Variants in DMD observed in about 807,000 individuals in gnomAD.
DMD encodes the protein dystrophin, also known as mutant dystrophin.
In DMD, 63 loss-of-function variants were observed where a neutral mutation model predicts 330.1. The ratio of observed to expected loss-of-function variants is 0.19; its 90% CI spans 0.16 to 0.24. DMD has a LOEUF of 0.24. Among genes scored for constraint, DMD ranks in the 10% least tolerant of loss-of-function variants. DMD has a pLI of 1.00. For missense variants in DMD, 3,344 were observed against 2,684.1 expected (o/e 1.25, Z -5.43); for synonymous variants, 1,223 against 959.8 (o/e 1.27, Z -5.07).
At chrX:33,096,854 C>T (rs1172642712) in intron 1 of DMD, among the ~76,000 whole-genome samples, 1 of 112,756 alleles carries the variant, frequency 8.9e-6, no homozygotes, top group African/African-American at 3.2e-5. Flanking sequence ...CAACAAACCA[C>T]GTAACCACAC....
At chrX:32,591,400 T>A (rs906995425) in intron 13 of DMD, among the ~76,000 whole-genome samples, 1 of 112,077 alleles carries the variant, frequency 8.9e-6, no homozygotes, top group East Asian at 2.8e-4. Flanking sequence ...CATTAGAGCA[T>A]CTTCTATAAG....
intron 1 of DMD, among the ~76,000 whole-genome samples, chrX:33,156,581 G>A (rs966222355): frequency 8.9e-6 from 1 of 111,772 alleles, no homozygotes; most frequent in African/African-American, 3.3e-5. Flanking sequence ...AGATAAGCAA[G>A]AGAGCCAGAT....
At chrX:32,829,099 A>T (rs1329691926) in intron 4 of DMD, among the ~76,000 whole-genome samples, 2 of 111,750 alleles carry the variant, frequency 1.8e-5, no homozygotes, top group Non-Finnish European at 3.8e-5. Flanking sequence ...CAAAAGTAAA[A>T]CTGTCTTACA....
intron 63 of DMD, among the ~76,000 whole-genome samples, chrX:31,251,462 C>G (rs1331131472): frequency 4.5e-5 from 5 of 111,895 alleles, no homozygotes; most frequent in Non-Finnish European, 9.4e-5. Context: ...AATGACTTTC[C>G]TGGAGTTATG....
intron 30 of DMD, among the ~76,000 whole-genome samples, chrX:32,405,581 G>A (rs1445466364): frequency 1.8e-5 from 2 of 111,020 alleles, no homozygotes; most frequent in Admixed American, 1.9e-4. Context: ...CTGACACTGG[G>A]TAGATTGATG....
intron 63 of DMD, among the ~76,000 whole-genome samples, chrX:31,241,927 T>G (rs1430263360): frequency 9.0e-6 from 1 of 111,271 alleles, no homozygotes; most frequent in African/African-American, 3.3e-5. Flanking sequence ...AGGCACTTAG[T>G]TCACCCCAGG....
At chrX:33,003,578 A>C (rs1477813310) in intron 2 of DMD, among the ~76,000 whole-genome samples, 1 of 110,150 alleles carries the variant, frequency 9.1e-6, no homozygotes, top group Admixed American at 9.7e-5. Context: ...CAGTGTATTT[A>C]ATGATCTTTC....
At chrX:31,252,957 C>T (rs2049549717) in intron 63 of DMD, among the ~76,000 whole-genome samples, 1 of 109,790 alleles carries the variant, frequency 9.1e-6, no homozygotes, top group South Asian at 4.0e-4. Context: ...TGCAACTGCA[C>T]TCCAGCCTGG....
intron 7 of DMD, among the ~76,000 whole-genome samples, chrX:32,729,499 C>A (rs2067275567): frequency 8.9e-6 from 1 of 111,758 alleles, no homozygotes; most frequent in Admixed American, 9.5e-5. Context: ...TTCATGGTAG[C>A]TTGGCAAGCT....
chrX:32,694,365 AATATGTTTAAAACTGAAATCCTAACGTT>A (rs1203080140), intron 9 of DMD, among the ~76,000 whole-genome samples: 1 of 111,717 alleles, frequency 9.0e-6, no homozygotes, highest in Non-Finnish European at 1.9e-5. Flanking sequence ...CCTCAAGATT[AATATGTTTAAAACTGAAATCCTAACGTT>A]CACTCCCAAA....
chrX:32,277,087 G>T (rs963696009), intron 43 of DMD, among the ~76,000 whole-genome samples: 2 of 111,686 alleles, frequency 1.8e-5, no homozygotes, highest in Admixed American at 1.9e-4. Context: ...ATAAAGGGAT[G>T]GAAAAAGATA....
intron 43 of DMD, among the ~76,000 whole-genome samples, chrX:32,221,619 A>G (rs2097132356): frequency 8.9e-6 from 1 of 111,784 alleles, no homozygotes; most frequent in Non-Finnish European, 1.9e-5. Flanking sequence ...AATGAATTGT[A>G]TAGAAGTAAA....
chrX:32,757,589 C>T (rs944679263), intron 7 of DMD, among the ~76,000 whole-genome samples: 6 of 110,563 alleles, frequency 5.4e-5, no homozygotes, highest in Non-Finnish European at 1.1e-4. Context: ...ATACGTCTCA[C>T]GAGATCTGAT....
At chrX:31,345,579 A>G (rs1341834597) in intron 61 of DMD, among the ~76,000 whole-genome samples, 1 of 111,701 alleles carries the variant, frequency 9.0e-6, no homozygotes, top group Admixed American at 9.6e-5. Context: ...TCATAATAGT[A>G]CTATTTTTTA....
At chrX:31,370,093 C>A (rs1275662394) in intron 60 of DMD, among the ~76,000 whole-genome samples, 1 of 62,685 alleles carries the variant, frequency 1.6e-5, no homozygotes. Context: ...AGCGAGGCTC[C>A]GTCTCAAAAA....
At chrX:33,330,276 G>A (rs2054151925) in intron 1 of DMD, among the ~76,000 whole-genome samples, 1 of 111,098 alleles carries the variant, frequency 9.0e-6, no homozygotes, top group African/African-American at 3.3e-5. Flanking sequence ...TGTGAGGCTG[G>A]AGATCAATTA....
chrX:33,026,017 T>C (rs981013346), intron 1 of DMD, among the ~76,000 whole-genome samples: 1 of 110,606 alleles, frequency 9.0e-6, no homozygotes, highest in Admixed American at 9.6e-5. Context: ...AGAAATGCAA[T>C]GGGATGAGTT....
chrX:32,330,719 AT>A (rs918518013), intron 41 of DMD, among the ~76,000 whole-genome samples: 2 of 111,139 alleles, frequency 1.8e-5, no homozygotes, highest in Non-Finnish European at 3.8e-5. Context: ...TGCCAATGGT[AT>A]TTTACGTTTT....
intron 44 of DMD, among the ~76,000 whole-genome samples, chrX:32,070,026 C>T (rs994492660): frequency 4.3e-4 from 48 of 111,575 alleles, no homozygotes; most frequent in African/African-American, 1.5e-3. Context: ...CTGTAGGTAG[C>T]CACAGGGAGT....
Sources: gnomAD v4.1 joint callset for allele counts (sites outside exome capture counted in the v4.1 genomes callset) on GRCh38, gnomAD v4.1.1 for gene constraint, MANE v1.5 for transcripts, NCBI Gene and HGNC (gene_info 2026-07-23, HGNC 2026-07-21) for gene names.